PIKFYVE: variants seen among roughly 807,000 people sequenced by gnomAD.
PIKFYVE encodes the protein 1-phosphatidylinositol 3-phosphate 5-kinase.
Under a neutral mutation model 257.9 loss-of-function variants are expected in PIKFYVE, and 122 were observed. The observed-to-expected ratio is 0.47, with a 90% CI of 0.41 to 0.55. The LOEUF is 0.55. PIKFYVE is among the 20% of genes least tolerant of loss of function. PIKFYVE has a pLI of 0.00. For synonymous variants in PIKFYVE, 892 were observed against 868.9 expected (o/e 1.03, Z -0.47); for missense variants, 2,160 against 2,536.6 (o/e 0.85, Z 3.19).
intron 1 of PIKFYVE, among the ~76,000 whole-genome samples, chr2:208,268,609 CT>C (rs1452077887): frequency 1.3e-5 from 2 of 149,306 alleles, no homozygotes. Flanking sequence ...AAAACACAAA[CT>C]TTTTTTTGAG....
At chr2:208,349,172 A>C (rs908928598) in intron 35 of PIKFYVE, among the ~76,000 whole-genome samples, 3 of 152,142 alleles carry the variant, frequency 2.0e-5, no homozygotes, top group Non-Finnish European at 2.9e-5. Context: ...AACAAACAAA[A>C]AAACCAACTG....
At position 208,273,703 on chromosome 2, in the gene PIKFYVE, G is replaced by C; in HGVS notation, c.292G>C (p.Glu98Gln). Residue 98 changes from glutamate to glutamine, a missense_variant, in exon 3 of 42, where the codon GAG becomes CAG. Physicochemically the swap from Glu to Gln is conservative, Grantham distance 29. Coordinates refer to ENST00000264380, the MANE Select transcript of PIKFYVE (RefSeq NM_015040.4). ...CACACCTTATAAAAAGCAGCTTAAT[G>C]AGGAACTCCAGCGGCGCTCTTCAGC... ...SPTPYKKQLN[E>Q]ELQRRSSALD... is the part of the protein sequence containing the mutation. 2.5e-6 allele frequency: 4 copies of C among 1,614,148 alleles called. No homozygotes were observed. Among genetic ancestry groups the C allele is most frequent in the Non-Finnish European group, 3.4e-6 (4 of 1,180,022 alleles).
intron 8 of PIKFYVE, 62 bp from the exon 9 acceptor site, chr2:208,300,875 C>T (rs1019335731): frequency 1.3e-6 from 2 of 1,598,242 alleles, no homozygotes; most frequent in East Asian, 2.2e-5. Flanking sequence ...CACAGGAAAA[C>T]ATCTGAAAAG....
At position 208,351,352 on chromosome 2, in the gene PIKFYVE, A is replaced by G. The variant is rs752978496; in HGVS notation, c.5612A>G (p.Asp1871Gly). ...KSGAAFYATE[D>G]DRFILKQMPR... Reference sequence around the variant, plus strand: ...AACACATAAAATTTCTGCCTTTTAGATGATAGATTTATTTTGAAGCAAATG... The same window carrying G: ...AACACATAAAATTTCTGCCTTTTAGGTGATAGATTTATTTTGAAGCAAATG... The change falls in exon 38 of 42, where the codon GAT (aspartate) becomes GGT (glycine). Residue 1871 changes from aspartate (D) to glycine (G), a missense_variant and splice_region_variant. Around this residue, in one of 12 missense-constraint regions of PIKFYVE, gnomAD observed 699 missense variants for 855.8 expected, o/e 0.82. Transcript: ENST00000264380. The G allele has an allele frequency of 1.9e-6, 3 of 1,609,098 alleles. No individual in the cohort carries two copies. The highest frequency in any genetic ancestry group is 2.6e-6 in the Non-Finnish European group (3 of 1,175,466).
Position 208,325,375 on chromosome 2 carries a change from T to G in PIKFYVE, c.2564T>G (p.Ile855Ser). The G allele has an allele frequency of 6.2e-7, 1 of 1,614,090 alleles. No individual in the cohort carries two copies. The highest frequency in any genetic ancestry group is 8.5e-7 in the Non-Finnish European group (1 of 1,179,966). ...SDYELARVKE[I>S]LIFMICVAYH... ...TATGAGCTGGCTCGAGTTAAGGAGA[T>G]CCTAATATTTATGATCTGTGTTGCT... The change falls in exon 20 of 42, where the codon ATC (isoleucine) becomes AGC (serine). Residue 855 changes from isoleucine to serine, a missense_variant. Physicochemically the swap from Ile to Ser is moderately radical, Grantham distance 142. This residue lies in a region of PIKFYVE where 522 missense variants were observed against 514.6 expected (regional missense o/e 1.01). Transcript: ENST00000264380.
At position 208,302,261 on chromosome 2, in the gene PIKFYVE, G is replaced by A. The variant is rs894849353; in HGVS notation, c.1228G>A (p.Gly410Arg). Reference protein sequence around the residue: ...IATRAQAIAIGQAMVDGRWLD... With the variant: ...IATRAQAIAIRQAMVDGRWLD... ...ATTCAGGGCACAAGCTATAGCAATT[G>A]GACAAGCAATGGTTGATGGACGTTG... The change falls in exon 10 of 42, where the codon GGA becomes AGA. Residue 410 changes from glycine (G) to arginine (R), a missense_variant. Around this residue, in one of 12 missense-constraint regions of PIKFYVE, gnomAD observed 90 missense variants for 110.6 expected, o/e 0.81. Coordinates refer to ENST00000264380, the MANE Select transcript of PIKFYVE (RefSeq NM_015040.4). The A allele has an allele frequency of 6.2e-7, 1 of 1,613,918 alleles. No homozygotes were observed. The highest frequency in any genetic ancestry group is 8.5e-7 in the Non-Finnish European group (1 of 1,179,968).
chr2:208,321,430 C>T (rs531282962), intron 17 of PIKFYVE, among the ~76,000 whole-genome samples: 17 of 152,204 alleles, frequency 1.1e-4, no homozygotes, highest in African/African-American at 4.1e-4. Context: ...GCTGTTATTA[C>T]TTAAGAACTC....
intron 28 of PIKFYVE, among the ~76,000 whole-genome samples, chr2:208,337,586 G>A (rs934852293): frequency 4.0e-5 from 6 of 151,052 alleles, no homozygotes; most frequent in Non-Finnish European, 4.4e-5. Context: ...TCTGTCTATC[G>A]ATCTATCTAT....
At position 208,286,757 on chromosome 2, in the gene PIKFYVE, C is replaced by T. The variant is rs182680592; in HGVS notation, c.821+824C>T. Among the ~76,000 whole-genome samples the T allele has an allele frequency of 2.3e-3, 355 of 151,660 alleles. 1 individual carries two copies. Among genetic ancestry groups the T allele is most frequent in the Admixed American group, 3.9e-3 (59 of 15,214 alleles). Reference sequence around the variant, plus strand: ...GCTGTCTTGAACTCCTGGCTTCAAGCGATCCTCCCACCTCAGCTTCCCAAA... The same window carrying T: ...GCTGTCTTGAACTCCTGGCTTCAAGTGATCCTCCCACCTCAGCTTCCCAAA... On this transcript the variant is annotated intron_variant, in intron 6 of 41. Coordinates refer to ENST00000264380, the MANE Select transcript of PIKFYVE (RefSeq NM_015040.4).
chr2:208,339,819 A>G lies in PIKFYVE; in HGVS notation c.4811-192A>G, dbSNP rs116075523. 7.3e-3 allele frequency among the ~76,000 whole-genome samples: 1,110 copies of G among 152,320 alleles called. 11 individuals are homozygous for G. Among genetic ancestry groups the G allele is most frequent in the African/African-American group, 0.025 (1,047 of 41,560 alleles). On this transcript the variant is annotated intron_variant, in intron 30 of 41. Coordinates refer to ENST00000264380, the MANE Select transcript of PIKFYVE (RefSeq NM_015040.4). ...AAAAAACAAGTGTCCCTTGGAGTCC[A>G]TGCTGTGTATGCTTCACTGTTGTTT...
intron 8 of PIKFYVE, among the ~76,000 whole-genome samples, chr2:208,299,580 G>A (rs937244125): frequency 2.6e-5 from 4 of 152,124 alleles, no homozygotes; most frequent in African/African-American, 7.2e-5. Flanking sequence ...GAGCCACCGC[G>A]CCTGGCCAGT....
rs772893455 is a variant in PIKFYVE, at chr2:208,325,573, C to G, written c.2762C>G (p.Ser921Cys). 6.2e-6 allele frequency: 10 copies of G among 1,614,076 alleles called. No homozygotes were observed. The South Asian group carries it at 1.1e-4, about 18-fold the overall frequency. The change falls in exon 20 of 42, where the codon TCT (serine) becomes TGT (cysteine). Residue 921 changes from serine to cysteine, a missense_variant. Around this residue, in one of 12 missense-constraint regions of PIKFYVE, gnomAD observed 522 missense variants for 514.6 expected, o/e 1.01. Coordinates refer to ENST00000264380, the MANE Select transcript of PIKFYVE (RefSeq NM_015040.4). ...IPWDPDIPPE[S>C]LPCDDSSLLE... ...TGGGATCCTGACATCCCTCCTGAGT[C>G]TCTGCCCTGTGATGATAGCAGTTTG... is the stretch of plus-strand genomic sequence containing the variant.
At chr2:208,303,260 C>CAT (rs779360396) in intron 10 of PIKFYVE, among the ~76,000 whole-genome samples, 3 of 124,752 alleles carry the variant, frequency 2.4e-5, no homozygotes, top group African/African-American at 8.7e-5. Flanking sequence ...CATATATAAA[C>CAT]ATATATATAC....
At chr2:208,317,753 C>T (rs1323473810) in intron 15 of PIKFYVE, 114 bp from the exon 16 acceptor site, 7 of 1,001,298 alleles carry the variant, frequency 7.0e-6, no homozygotes, top group Admixed American at 1.9e-5. Flanking sequence ...ATTTTTTGTT[C>T]TTATTTGATT....
intron 5 of PIKFYVE, among the ~76,000 whole-genome samples, chr2:208,283,351 T>C (rs1252100986): frequency 6.6e-6 from 1 of 152,194 alleles, no homozygotes; most frequent in Non-Finnish European, 1.5e-5. Context: ...CATCAATCTT[T>C]GTATTCCCAT....
intron 20 of PIKFYVE, among the ~76,000 whole-genome samples, chr2:208,327,784 C>T (rs1697104300): frequency 1.3e-5 from 2 of 152,124 alleles, no homozygotes; most frequent in Middle Eastern, 3.4e-3. Context: ...TCAAAAACAG[C>T]CATAAGCATA....
In PIKFYVE at chr2:208,301,023, A is replaced by G; in HGVS notation, c.1137A>G (p.Arg379=). ...MEFQDHRYWL[R]THPNCIVGKE... The stretch of plus-strand genomic sequence containing the variant: ...TTCAGGATCACCGCTACTGGTTGAG[A>G]ACGCATCCCAACTGCATTGTAGGAA... Residue 379 remains arginine, a synonymous_variant, in exon 9 of 42, where the codon AGA becomes AGG. Transcript: ENST00000264380. 6.2e-7 allele frequency: 1 copy of G among 1,614,190 alleles called. No homozygotes were observed. Among genetic ancestry groups the G allele is most frequent in the Admixed American group, 1.7e-5 (1 of 60,024 alleles).
At position 208,278,308 on chromosome 2, in the gene PIKFYVE, C is replaced by G. The variant is rs192819448; in HGVS notation, c.613+600C>G. Among the ~76,000 whole-genome samples, 707 of 151,420 alleles carry G rather than the reference C, an allele frequency of 4.7e-3. 4 individuals are homozygous for G. Among genetic ancestry groups the G allele is most frequent in the African/African-American group, 0.016 (668 of 41,280 alleles). On this transcript the variant is annotated intron_variant, in intron 5 of 41. Coordinates refer to ENST00000264380, the MANE Select transcript of PIKFYVE (RefSeq NM_015040.4). ...TCTGTCTGCTCATTTTTTTTTCCAC[C>G]TAAACTACTACAGAGTTCAGAATCC...
Position 208,315,421 on chromosome 2 carries a change from A to T in PIKFYVE, c.2007+48A>T, listed in dbSNP as rs752337558. The T allele has an allele frequency of 3.1e-6, 5 of 1,600,276 alleles. No homozygotes were observed. In the African/African-American group the frequency reaches 6.7e-5, roughly 21 times the overall value. On this transcript the variant is annotated intron_variant, in intron 15 of 41. Coordinates refer to ENST00000264380, the MANE Select transcript of PIKFYVE (RefSeq NM_015040.4). ...TAATGCTAGGAACTGATGAGGCAGG[A>T]CTGATTGTAATTTTTGTCTTAATGG...
Sources: gnomAD v4.1 joint callset for allele counts (sites outside exome capture counted in the v4.1 genomes callset) on GRCh38, gnomAD v4.1.1 for gene constraint, gnomAD v4.1.1 regional missense constraint, MANE v1.5 for transcripts, NCBI Gene and HGNC (gene_info 2026-07-23, HGNC 2026-07-21) for gene names.